Variants in TASP1 observed in about 807,000 individuals in gnomAD.
TASP1 encodes threonine aspartase 1.
Under a neutral mutation model 56.6 loss-of-function variants are expected in TASP1, and 16 were observed. The ratio of observed to expected loss-of-function variants is 0.28; its 90% CI spans 0.19 to 0.43. The LOEUF (loss-of-function observed/expected upper bound fraction) is 0.43. TASP1 is among the 20% of genes least tolerant of loss of function. The probability of loss-of-function intolerance (pLI) is 1.00; values close to 1 mark genes in which losing one functional copy is unlikely to be tolerated. For missense variants in TASP1, 393 were observed against 511.6 expected, an observed-to-expected ratio of 0.77 and a Z score of 2.24; for synonymous variants, 179 against 184.2, an observed-to-expected ratio of 0.97 and a Z score of 0.23.
the TASP1 span, among the ~76,000 whole-genome samples, chr20:13,347,383 C>T: frequency 2.6e-5 from 4 of 152,190 alleles, no homozygotes; most frequent in African/African-American, 9.7e-5. Context: ...AAAACAGGAA[C>T]TCCTCCTTTC....
intron 7 of TASP1, among the ~76,000 whole-genome samples, chr20:13,565,065 ATAGATT>A: frequency 6.6e-6 from 1 of 152,074 alleles, no homozygotes; most frequent in South Asian, 2.1e-4. Context: ...GAAAAATGCA[ATAGATT>A]AAAGAGTTCA....
intron 5 of TASP1, among the ~76,000 whole-genome samples, chr20:13,582,661 T>C (rs571627298): frequency 7.9e-5 from 12 of 152,280 alleles, no homozygotes; most frequent in African/African-American, 2.9e-4. Context: ...ACAAACACTT[T>C]TGAATTTAGG....
At chr20:13,225,284 C>T in the TASP1 span, among the ~76,000 whole-genome samples, 2 of 152,154 alleles carry the variant, frequency 1.3e-5, no homozygotes, top group South Asian at 2.1e-4. Flanking sequence ...CATTTATTTT[C>T]GTTATTTTAT....
At chr20:13,361,036 C>T in the TASP1 span, among the ~76,000 whole-genome samples, 8 of 151,712 alleles carry the variant, frequency 5.3e-5, no homozygotes, top group Non-Finnish European at 7.4e-5. Flanking sequence ...TCCTTTCCAT[C>T]GTGGAAATCT....
chr20:13,576,349 GAAAGA>G (rs1415724086), intron 6 of TASP1, among the ~76,000 whole-genome samples: 11 of 94,060 alleles, frequency 1.2e-4, no homozygotes, highest in African/African-American at 5.2e-4. Flanking sequence ...AAGGAAGAAA[GAAAGA>G]AAGAAAGAAA....
chr20:13,404,155 T>C lies in TASP1; in HGVS notation c.1170+13293A>G, dbSNP rs73901156. ...CACCATAGCTTAGTTGGGCCAGTTA[T>C]TAAACTTCATATAAATAGAATAATT... On this transcript the variant is annotated intron_variant, in intron 13 of 13. Coordinates refer to ENST00000337743, the MANE Select transcript of TASP1 (RefSeq NM_017714.3). Among the ~76,000 whole-genome samples the C allele has an allele frequency of 3.9e-5, 6 of 152,328 alleles. No homozygotes were observed. In the East Asian group the frequency reaches 9.6e-4, roughly 24 times the overall value.
the TASP1 span, among the ~76,000 whole-genome samples, chr20:13,184,995 AT>A: frequency 3.0e-4 from 45 of 151,994 alleles, no homozygotes; most frequent in Admixed American, 1.1e-3. Flanking sequence ...ATTAGGGAAG[AT>A]TTTTTTTCCC....
At chr20:13,553,059 C>A (rs6074621) in intron 8 of TASP1, among the ~76,000 whole-genome samples, 12 of 152,116 alleles carry the variant, frequency 7.9e-5, no homozygotes, top group Non-Finnish European at 1.3e-4. Flanking sequence ...CCTCAGCATC[C>A]TGAGTAACGG....
chr20:13,333,852 G>T, the TASP1 span, among the ~76,000 whole-genome samples: 1 of 152,144 alleles, frequency 6.6e-6, no homozygotes, highest in African/African-American at 2.4e-5. Flanking sequence ...GAAGACTAAA[G>T]ATTGTCAGGT....
At chr20:13,265,140 T>A in the TASP1 span, among the ~76,000 whole-genome samples, 3 of 152,186 alleles carry the variant, frequency 2.0e-5, no homozygotes, top group African/African-American at 7.2e-5. Flanking sequence ...TCTGAAACCC[T>A]TTGGATCTAT....
chr20:13,299,309 C>G, the TASP1 span: 1 of 1,613,832 alleles, frequency 6.2e-7, no homozygotes, highest in Non-Finnish European at 8.5e-7. This position sits in a 1 kb window ranked among gnomAD's most constrained non-coding sequence, Gnocchi z 5.8. Flanking sequence ...CGGAGCTCCA[C>G]TACAAGGTGG....
At chr20:13,269,416 A>C in the TASP1 span, among the ~76,000 whole-genome samples, 1 of 152,230 alleles carries the variant, frequency 6.6e-6, no homozygotes, top group Non-Finnish European at 1.5e-5. Flanking sequence ...TGCACTTTTC[A>C]GTATAAAACC....
At chr20:13,231,895 G>A in the TASP1 span, among the ~76,000 whole-genome samples, 1 of 152,140 alleles carries the variant, frequency 6.6e-6, no homozygotes, top group Non-Finnish European at 1.5e-5. Flanking sequence ...TGAATGCGAT[G>A]GGCCATTGAT....
intron 9 of TASP1, 152 bp from the exon 10 acceptor site, chr20:13,528,663 C>T: frequency 2.0e-6 from 1 of 496,618 alleles, no homozygotes; most frequent in Non-Finnish European, 3.6e-6. Flanking sequence ...GACATACGCA[C>T]ACGATGCTTT....
At chr20:13,166,366 T>C in the TASP1 span, 6 of 152,626 alleles carry the variant, frequency 3.9e-5, no homozygotes, top group Admixed American at 3.3e-4. Flanking sequence ...AAAGTTTTTA[T>C]GGGGAAATTA....
intron 12 of TASP1, among the ~76,000 whole-genome samples, chr20:13,421,953 CTT>C (rs1179688722): frequency 2.2e-4 from 31 of 138,954 alleles, no homozygotes; most frequent in Admixed American, 2.9e-4. Flanking sequence ...TCTGTTTAAC[CTT>C]TTTTTTTTTT....
At chr20:13,205,479 C>T in the TASP1 span, among the ~76,000 whole-genome samples, 6 of 152,122 alleles carry the variant, frequency 3.9e-5, 1 homozygote, top group South Asian at 4.2e-4. Flanking sequence ...TTCTAAAAGC[C>T]GAAGAGTTCA....
At chr20:13,120,492 G>GA in the TASP1 span, among the ~76,000 whole-genome samples, 1 of 152,008 alleles carries the variant, frequency 6.6e-6, no homozygotes, top group African/African-American at 2.4e-5. Context: ...CAAAAATCTA[G>GA]AAAAAAGAGA....
the TASP1 span, among the ~76,000 whole-genome samples, chr20:13,216,409 C>T: frequency 6.6e-6 from 1 of 152,190 alleles, no homozygotes; most frequent in East Asian, 1.9e-4. Flanking sequence ...CAGCGGTTGA[C>T]AAACTAAGTC....
Sources: allele counts gnomAD v4.1 joint callset (sites outside exome capture counted in the v4.1 genomes callset), GRCh38; gene constraint gnomAD v4.1.1; non-coding constraint Gnocchi (gnomAD v3.1); transcripts MANE v1.5; gene names NCBI Gene and HGNC (gene_info 2026-07-23, HGNC 2026-07-21).